Variants in KCNU1 observed in about 807,000 individuals in gnomAD.
KCNU1 encodes the protein potassium calcium-activated channel subfamily U member 1.
A neutral mutation model predicts 126.8 loss-of-function variants in KCNU1; 93 were observed. That is an observed-to-expected ratio of 0.73 (90% CI 0.62 to 0.87). KCNU1 has a LOEUF of 0.87. Ranked by LOEUF, KCNU1 falls within the 40% of genes least tolerant of loss-of-function variation. The probability of loss-of-function intolerance (pLI) is 0.00; values close to 1 mark genes in which losing one functional copy is unlikely to be tolerated. For synonymous variants in KCNU1, 523 were observed against 494.2 expected (o/e 1.06, Z -0.77); for missense variants, 1,330 against 1,367.1 (o/e 0.97, Z 0.43).
At chr8:36,820,726 A>G (rs903148366) in intron 10 of KCNU1, among the ~76,000 whole-genome samples, 6 of 147,168 alleles carry the variant, frequency 4.1e-5, no homozygotes, top group Non-Finnish European at 8.8e-5. Flanking sequence ...CTCAGAGAGA[A>G]AAAAAAAATC....
At chr8:36,896,353 A>G (rs1807188768) in intron 19 of KCNU1, among the ~76,000 whole-genome samples, 1 of 152,064 alleles carries the variant, frequency 6.6e-6, no homozygotes, top group Non-Finnish European at 1.5e-5. Context: ...AGATGTCTGG[A>G]AACAATAGTC....
At chr8:36,830,009 A>G (rs1366711846) in intron 10 of KCNU1, among the ~76,000 whole-genome samples, 2 of 149,662 alleles carry the variant, frequency 1.3e-5, no homozygotes, top group Admixed American at 1.3e-4. Context: ...GGGTTTCCAT[A>G]TAAATAATTA....
chr8:36,869,532 C>T (rs1806027986), intron 19 of KCNU1, among the ~76,000 whole-genome samples: 1 of 151,968 alleles, frequency 6.6e-6, no homozygotes, highest in Non-Finnish European at 1.5e-5. Flanking sequence ...CTCTCTTTGC[C>T]AATGTCCAAG....
At chr8:36,877,703 C>G (rs994712332) in intron 19 of KCNU1, among the ~76,000 whole-genome samples, 1 of 152,148 alleles carries the variant, frequency 6.6e-6, no homozygotes, top group Non-Finnish European at 1.5e-5. Context: ...CATATCTACA[C>G]TTGTCCCTTC....
intron 16 of KCNU1, among the ~76,000 whole-genome samples, chr8:36,843,525 G>GT (rs1805031104): frequency 6.6e-6 from 1 of 152,140 alleles, no homozygotes; most frequent in Admixed American, 6.5e-5. Context: ...ACCCCAGAAA[G>GT]TTTTAATGAT....
intron 2 of KCNU1, among the ~76,000 whole-genome samples, chr8:36,793,449 A>G (rs947503914): frequency 6.6e-6 from 1 of 151,928 alleles, no homozygotes; most frequent in Non-Finnish European, 1.5e-5. Context: ...ATGTTTTGTA[A>G]TGATCAGCTT....
At chr8:36,858,052 G>A (rs1805593327) in intron 18 of KCNU1, among the ~76,000 whole-genome samples, 1 of 151,914 alleles carries the variant, frequency 6.6e-6, no homozygotes, top group Non-Finnish European at 1.5e-5. Context: ...GTTTCACTGA[G>A]GAGCCAGTTT....
chr8:36,908,285 TG>T (rs1563329243), intron 20 of KCNU1, among the ~76,000 whole-genome samples: 1 of 152,190 alleles, frequency 6.6e-6, no homozygotes, highest in African/African-American at 2.4e-5. Flanking sequence ...CATATTCTTT[TG>T]TTTTCAACTT....
chr8:36,874,845 G>T (rs762969813), intron 19 of KCNU1, among the ~76,000 whole-genome samples: 2 of 151,840 alleles, frequency 1.3e-5, no homozygotes, highest in Non-Finnish European at 2.9e-5. Flanking sequence ...TTAAGAAAAG[G>T]CACCTTTAAC....
At chr8:36,918,269 C>T (rs1325598754) in intron 22 of KCNU1, among the ~76,000 whole-genome samples, 2 of 152,020 alleles carry the variant, frequency 1.3e-5, no homozygotes, top group Admixed American at 1.3e-4. Flanking sequence ...TAGCCAGGCA[C>T]GATGGCTCAT....
intron 6 of KCNU1, among the ~76,000 whole-genome samples, chr8:36,808,374 C>G (rs556167369): frequency 1.2e-4 from 18 of 152,086 alleles, no homozygotes; most frequent in Non-Finnish European, 2.4e-4. Flanking sequence ...GACAATATAA[C>G]AATCTCTATG....
intron 18 of KCNU1, among the ~76,000 whole-genome samples, chr8:36,862,353 G>A (rs1563301690): frequency 6.6e-6 from 1 of 151,962 alleles, no homozygotes; most frequent in Non-Finnish European, 1.5e-5. Flanking sequence ...TTGAAACTGG[G>A]GATAAACTGT....
chr8:36,829,208 C>A (rs1804437762), intron 10 of KCNU1, among the ~76,000 whole-genome samples: 1 of 151,990 alleles, frequency 6.6e-6, no homozygotes, highest in Non-Finnish European at 1.5e-5. Context: ...TTTCTTCTTT[C>A]AGTTTATAAT....
chr8:36,817,902 C>A (rs1416794227), intron 10 of KCNU1, 142 bp downstream of exon 10: 8 of 548,878 alleles, frequency 1.5e-5, no homozygotes, highest in Admixed American at 9.3e-5. Context: ...GAAAAGAAAT[C>A]TTTGACCAAG....
In KCNU1 at chr8:36,784,482, A is replaced by G. The variant is rs771205070; in HGVS notation, c.72A>G (p.Gln24=). The G allele has an allele frequency of 6.2e-7, 1 of 1,613,958 alleles. No individual in the cohort carries two copies. Among genetic ancestry groups the G allele is most frequent in the Non-Finnish European group, 8.5e-7 (1 of 1,179,846 alleles). Residue 24 remains glutamine, a synonymous_variant, in exon 1 of 27, where the codon CAA becomes CAG. Coordinates refer to ENST00000399881, the MANE Select transcript of KCNU1 (RefSeq NM_001031836.3). ...LPKMSCTTEI[Q]AAFILSSFVT... ...AAATGTCCTGCACAACTGAGATCCA[A>G]GCAGCATTCATTCTCTCTTCCTTTG... is the stretch of plus-strand genomic sequence containing the variant.
intron 2 of KCNU1, among the ~76,000 whole-genome samples, chr8:36,803,203 A>G (rs911707943): frequency 2.0e-5 from 3 of 152,244 alleles, no homozygotes; most frequent in African/African-American, 4.8e-5. Context: ...TCCTTTCACA[A>G]TATACGTAGC....
chr8:36,857,259 C>G (rs1056795168), intron 18 of KCNU1, among the ~76,000 whole-genome samples: 4 of 152,190 alleles, frequency 2.6e-5, no homozygotes, highest in African/African-American at 9.7e-5. Context: ...CCTGTGATAC[C>G]TAAACAGAGC....
chr8:36,866,478 G>T (rs1333546938), intron 19 of KCNU1, among the ~76,000 whole-genome samples: 3 of 152,116 alleles, frequency 2.0e-5, no homozygotes, highest in Non-Finnish European at 2.9e-5. Context: ...TTTATAAAGT[G>T]GATGAGATAG....
intron 22 of KCNU1, among the ~76,000 whole-genome samples, chr8:36,911,470 T>C (rs1404586060): frequency 6.6e-6 from 1 of 152,246 alleles, no homozygotes; most frequent in Non-Finnish European, 1.5e-5. Flanking sequence ...ACCACTATAG[T>C]TATTATTATG....
Sources: gnomAD v4.1 joint callset for allele counts (sites outside exome capture counted in the v4.1 genomes callset) on GRCh38, gnomAD v4.1.1 for gene constraint, MANE v1.5 for transcripts, NCBI Gene and HGNC (gene_info 2026-07-23, HGNC 2026-07-21) for gene names.